The following ZNF609 variants were observed in gnomAD, a reference collection of about 807,000 sequenced individuals.
ZNF609 encodes the protein zinc finger protein 609.
ZNF609 carries 11 observed loss-of-function variants against 109.5 expected under a neutral mutation model. The observed-to-expected ratio is 0.10, with a 90% CI of 0.06 to 0.17. The LOEUF is 0.17. Among genes scored for constraint, ZNF609 ranks in the 10% least tolerant of loss-of-function variants. The probability of loss-of-function intolerance (pLI) is 1.00; values close to 1 mark genes in which losing one functional copy is unlikely to be tolerated. For synonymous variants in ZNF609, 646 were observed against 662.0 expected, an observed-to-expected ratio of 0.98 and a Z score of 0.37; for missense variants, 1,559 against 1,772.4, an observed-to-expected ratio of 0.88 and a Z score of 2.16.
chr15:64,595,001 CAAAAAAAAAAA>C (rs545783193), intron 2 of ZNF609, among the ~76,000 whole-genome samples: 2 of 66,968 alleles, frequency 3.0e-5, no homozygotes, highest in African/African-American at 1.0e-4. Flanking sequence ...GGCTCCGTCT[CAAAAAAAAAAA>C]AAAAGAAAAA....
intron 2 of ZNF609, among the ~76,000 whole-genome samples, chr15:64,584,739 C>T (rs1470352262): frequency 1.3e-5 from 2 of 151,922 alleles, no homozygotes; most frequent in Non-Finnish European, 2.9e-5. Flanking sequence ...AGTGATTCTC[C>T]TGCCTCAGCC....
At chr15:64,491,937 A>G (rs763711100) in intron 1 of ZNF609, among the ~76,000 whole-genome samples, 12 of 151,978 alleles carry the variant, frequency 7.9e-5, no homozygotes, top group Non-Finnish European at 1.6e-4. Flanking sequence ...TCACGACAGT[A>G]TATGGCTTTA....
chr15:64,625,411 T>G lies in ZNF609; in HGVS notation c.973+2359T>G, dbSNP rs1008664480. ...GGCGTGTACCTGTAATCCCAGCTAC[T>G]TGGGAGGCTGAGGCAGGATAATCAC... On this transcript the variant is annotated intron_variant, in intron 3 of 9. Transcript: ENST00000326648. 2.0e-5 allele frequency among the ~76,000 whole-genome samples: 3 copies of G among 152,194 alleles called. No individual in the cohort carries two copies. The East Asian group carries it at 5.8e-4, about 29-fold the overall frequency.
At chr15:64,548,686 C>T (rs1894408054) in intron 2 of ZNF609, among the ~76,000 whole-genome samples, 1 of 152,018 alleles carries the variant, frequency 6.6e-6, no homozygotes, top group South Asian at 2.1e-4. Flanking sequence ...GACTTGAGCT[C>T]AGGAGGTTGA....
At chr15:64,604,354 T>C (rs1247921854) in intron 2 of ZNF609, among the ~76,000 whole-genome samples, 1 of 152,116 alleles carries the variant, frequency 6.6e-6, no homozygotes, top group Non-Finnish European at 1.5e-5. Context: ...TAGATTGGAG[T>C]GCCTTGATTT....
chr15:64,484,704 G>A (rs189482787), intron 1 of ZNF609, among the ~76,000 whole-genome samples: 1,524 of 134,712 alleles, frequency 0.011, 8 homozygotes, highest in Middle Eastern at 0.043. Context: ...AGCTGGATGC[G>A]GTGGCTTATG....
intron 3 of ZNF609, among the ~76,000 whole-genome samples, chr15:64,663,595 C>T (rs1021231813): frequency 3.3e-5 from 5 of 152,066 alleles, no homozygotes; most frequent in African/African-American, 9.7e-5. Flanking sequence ...ATCAGCTACA[C>T]ATGAAGTACC....
At position 64,499,305 on chromosome 15, in the gene ZNF609, C is replaced by G; in HGVS notation, c.-115C>G. 7.5e-7 allele frequency: 1 copy of G among 1,342,220 alleles called. No homozygotes were observed. Among genetic ancestry groups the G allele is most frequent in the Non-Finnish European group, 1.0e-6 (1 of 985,426 alleles). The allele number at this position is 1,342,220 out of a possible 1,614,324, so 83.1% of individuals were successfully genotyped here. On this transcript the variant is annotated 5_prime_UTR_variant, in exon 2 of 10. Coordinates refer to ENST00000326648, the MANE Select transcript of ZNF609 (RefSeq NM_015042.2). ...TTTCTTTTTCCAGCAATGATGTTGT[C>G]CACTGGGCATGTACTGACCAATGTG...
intron 3 of ZNF609, among the ~76,000 whole-genome samples, chr15:64,629,690 A>C (rs1896034393): frequency 6.6e-6 from 1 of 152,200 alleles, no homozygotes; most frequent in African/African-American, 2.4e-5. Flanking sequence ...AGGAAGGCAA[A>C]GAAATTTAGC....
intron 2 of ZNF609, among the ~76,000 whole-genome samples, chr15:64,531,951 T>C (rs1894070012): frequency 6.6e-6 from 1 of 152,180 alleles, no homozygotes; most frequent in East Asian, 1.9e-4. Context: ...GAACCCTCCA[T>C]TGGCTCTTAA....
intron 2 of ZNF609, among the ~76,000 whole-genome samples, chr15:64,572,913 G>C (rs1037429090): frequency 2.0e-5 from 3 of 152,076 alleles, no homozygotes; most frequent in Non-Finnish European, 2.9e-5. Flanking sequence ...AGAAAAAAAA[G>C]AAAAGAAAAG....
intron 3 of ZNF609, among the ~76,000 whole-genome samples, chr15:64,662,489 A>G (rs1896593076): frequency 6.6e-6 from 1 of 152,110 alleles, no homozygotes; most frequent in Non-Finnish European, 1.5e-5. Context: ...ACAAGCCCAG[A>G]TAATTTAAAG....
intron 1 of ZNF609, among the ~76,000 whole-genome samples, chr15:64,492,822 A>G (rs1434265397): frequency 6.6e-6 from 1 of 152,204 alleles, no homozygotes; most frequent in Non-Finnish European, 1.5e-5. Flanking sequence ...CAGAAATCAC[A>G]TCTCCTGACT....
chr15:64,645,179 C>T (rs1053407080), intron 3 of ZNF609, among the ~76,000 whole-genome samples: 2 of 150,252 alleles, frequency 1.3e-5, no homozygotes, highest in African/African-American at 4.9e-5. Flanking sequence ...CCACCTCCAT[C>T]TCCTGAGCTC....
intron 2 of ZNF609, among the ~76,000 whole-genome samples, chr15:64,556,429 G>C (rs1184485460): frequency 6.6e-6 from 1 of 151,952 alleles, no homozygotes; most frequent in African/African-American, 2.4e-5. Flanking sequence ...CACTGCTCCT[G>C]GCCAGCACTT....
chr15:64,578,410 A>G (rs926647436), intron 2 of ZNF609, among the ~76,000 whole-genome samples: 2 of 152,204 alleles, frequency 1.3e-5, no homozygotes, highest in Admixed American at 6.6e-5. Flanking sequence ...AATAAGGTTT[A>G]TGAGCCGGGC....
At chr15:64,609,224 C>A (rs527506061) in intron 2 of ZNF609, among the ~76,000 whole-genome samples, 1 of 151,052 alleles carries the variant, frequency 6.6e-6, no homozygotes, top group African/African-American at 2.4e-5. Flanking sequence ...ATCACTCTGT[C>A]GCCCAGGCTG....
intron 2 of ZNF609, among the ~76,000 whole-genome samples, chr15:64,545,347 C>T (rs750647377): frequency 6.6e-6 from 1 of 152,204 alleles, no homozygotes; most frequent in Non-Finnish European, 1.5e-5. Context: ...TATAGGCTCA[C>T]GCTACCATGC....
At chr15:64,504,564 G>C (rs1028794604) in intron 2 of ZNF609, among the ~76,000 whole-genome samples, 1 of 151,868 alleles carries the variant, frequency 6.6e-6, no homozygotes, top group African/African-American at 2.4e-5. Flanking sequence ...CTCTGCCTCT[G>C]ATTCAAGCGA....
Sources: allele counts gnomAD v4.1 joint callset (sites outside exome capture counted in the v4.1 genomes callset), GRCh38; gene constraint gnomAD v4.1.1; transcripts MANE v1.5; gene names NCBI Gene and HGNC (gene_info 2026-07-23, HGNC 2026-07-21).